Variants in GRIN2A observed in about 807,000 individuals in gnomAD.
The protein encoded by GRIN2A is glutamate receptor ionotropic, NMDA 2A.
A neutral mutation model predicts 113.4 loss-of-function variants in GRIN2A; 22 were observed. The ratio of observed to expected loss-of-function variants is 0.19; its 90% CI spans 0.14 to 0.28. GRIN2A has a LOEUF of 0.28. Among genes scored for constraint, GRIN2A ranks in the 10% least tolerant of loss-of-function variants. GRIN2A has a pLI of 1.00. For synonymous variants in GRIN2A, 827 were observed against 738.4 expected (o/e 1.12, Z -1.94); for missense variants, 1,502 against 1,887.0 (o/e 0.80, Z 3.78).
rs1316959780 is a variant in GRIN2A at position 10,180,505 on chromosome 16, C to A, written c.-18-76G>T. ...AGAAAGGGATTACCAACTTGGCTTC[C>A]TGCTCTAGGAGCCAGGCATGGAACT... On this transcript the variant is annotated intron_variant, in intron 1 of 12. Transcript: ENST00000330684. This position sits in a 1 kb window ranked among gnomAD's most constrained non-coding sequence, Gnocchi z 7.0. 3.9e-6 allele frequency: 6 copies of A among 1,536,424 alleles called. No individual in the cohort carries two copies. Among genetic ancestry groups the A allele is most frequent in the Non-Finnish European group, 5.2e-6 (6 of 1,147,258 alleles).
chr16:9,815,566 C>A (rs1207574012), intron 10 of GRIN2A, among the ~76,000 whole-genome samples: 1 of 152,036 alleles, frequency 6.6e-6, no homozygotes, highest in African/African-American at 2.4e-5. Context: ...CAAATCAAAA[C>A]TGCAATGAGA....
At chr16:9,979,195 C>T (rs2045835764) in intron 2 of GRIN2A, among the ~76,000 whole-genome samples, 1 of 152,162 alleles carries the variant, frequency 6.6e-6, no homozygotes, top group Non-Finnish European at 1.5e-5. Context: ...GATTCAAGCT[C>T]TCATTCTGTG....
chr16:10,083,482 A>G (rs369347915), intron 2 of GRIN2A, among the ~76,000 whole-genome samples: 217 of 152,346 alleles, frequency 1.4e-3, no homozygotes, highest in African/African-American at 4.6e-3. Flanking sequence ...GATGCAGTCA[A>G]GATAAAGATC....
At chr16:10,059,862 C>T (rs1156575364) in intron 2 of GRIN2A, among the ~76,000 whole-genome samples, 1 of 152,130 alleles carries the variant, frequency 6.6e-6, no homozygotes, top group African/African-American at 2.4e-5. Flanking sequence ...ACGGAAACCA[C>T]TCCAGGTGTT....
intron 12 of GRIN2A, among the ~76,000 whole-genome samples, chr16:9,768,296 C>T (rs1312653396): frequency 6.6e-6 from 1 of 152,204 alleles, no homozygotes; most frequent in Non-Finnish European, 1.5e-5. Flanking sequence ...TCGTGATCCG[C>T]CCGCCTGGGC....
At chr16:10,072,870 C>A (rs72774127) in intron 2 of GRIN2A, among the ~76,000 whole-genome samples, 14,297 of 150,642 alleles carry the variant, frequency 0.095, 746 homozygotes, top group African/African-American at 0.11. Flanking sequence ...GGCTGGTTTT[C>A]ATTATGGTGG....
chr16:10,091,569 C>T (rs1439782533), intron 2 of GRIN2A, among the ~76,000 whole-genome samples: 9 of 152,058 alleles, frequency 5.9e-5, no homozygotes, highest in Admixed American at 5.9e-4. Flanking sequence ...GGGAGGATTG[C>T]TTGAGCCTCG....
At chr16:10,014,918 G>A (rs1003292002) in intron 2 of GRIN2A, among the ~76,000 whole-genome samples, 2 of 152,232 alleles carry the variant, frequency 1.3e-5, no homozygotes, top group Admixed American at 6.5e-5. Flanking sequence ...TGAGTGAATA[G>A]AAAAGCAGGA....
At chr16:9,824,136 T>C (rs190819913) in intron 9 of GRIN2A, among the ~76,000 whole-genome samples, 1 of 152,382 alleles carries the variant, frequency 6.6e-6, no homozygotes, top group East Asian at 1.9e-4. Flanking sequence ...TGCTGCCTAA[T>C]ATGCAGTCAT....
At chr16:9,966,861 C>G (rs2045565222) in intron 2 of GRIN2A, among the ~76,000 whole-genome samples, 1 of 152,192 alleles carries the variant, frequency 6.6e-6, no homozygotes, top group Non-Finnish European at 1.5e-5. Context: ...TATTTTGGCC[C>G]TATCTCAAGT....
chr16:10,133,823 G>A (rs974801919), intron 2 of GRIN2A, among the ~76,000 whole-genome samples: 1 of 151,934 alleles, frequency 6.6e-6, no homozygotes, highest in Non-Finnish European at 1.5e-5. Flanking sequence ...AGTTACAGGG[G>A]TTTTTGATTA....
At chr16:9,813,493 A>T (rs1393338876) in intron 10 of GRIN2A, among the ~76,000 whole-genome samples, 2 of 147,830 alleles carry the variant, frequency 1.4e-5, no homozygotes, top group African/African-American at 5.0e-5. Flanking sequence ...ACATTTTGAT[A>T]TATTTCTTTT....
chr16:10,125,345 T>C (rs1488875894), intron 2 of GRIN2A, among the ~76,000 whole-genome samples: 1 of 152,142 alleles, frequency 6.6e-6, no homozygotes, highest in Non-Finnish European at 1.5e-5. Context: ...AATATTTGGC[T>C]TTCCCTGGAA....
chr16:9,857,912 C>T (rs983910702), intron 4 of GRIN2A, among the ~76,000 whole-genome samples: 17 of 152,206 alleles, frequency 1.1e-4, no homozygotes, highest in Admixed American at 2.0e-4. Flanking sequence ...CCATAAATCA[C>T]GCTTTTCTCC....
chr16:10,179,014 C>T (rs1405820333), intron 2 of GRIN2A, among the ~76,000 whole-genome samples: 1 of 152,136 alleles, frequency 6.6e-6, no homozygotes, highest in Non-Finnish European at 1.5e-5. Flanking sequence ...TCTCATTCCT[C>T]ACTTTACTTC....
intron 2 of GRIN2A, among the ~76,000 whole-genome samples, chr16:10,131,440 G>A (rs909217533): frequency 2.0e-5 from 3 of 151,194 alleles, no homozygotes; most frequent in Non-Finnish European, 2.9e-5. Flanking sequence ...GCCAAGGCCT[G>A]CCGCTCCAGT....
intron 7 of GRIN2A, among the ~76,000 whole-genome samples, chr16:9,839,781 A>G (rs964702289): frequency 6.6e-6 from 1 of 152,180 alleles, no homozygotes; most frequent in Non-Finnish European, 1.5e-5. Context: ...ATATGTGATC[A>G]TATTTTTTTC....
intron 2 of GRIN2A, among the ~76,000 whole-genome samples, chr16:10,095,947 T>A (rs908636355): frequency 1.4e-4 from 22 of 152,232 alleles, no homozygotes; most frequent in African/African-American, 5.3e-4. Flanking sequence ...AGGAGTTCTT[T>A]CTACTATTCT....
At chr16:9,786,516 G>C (rs1454023225) in intron 11 of GRIN2A, among the ~76,000 whole-genome samples, 1 of 152,146 alleles carries the variant, frequency 6.6e-6, no homozygotes, top group Non-Finnish European at 1.5e-5. Flanking sequence ...CTTCTGCAGG[G>C]TAATGATGCT....
Sources: allele counts gnomAD v4.1 joint callset (sites outside exome capture counted in the v4.1 genomes callset), GRCh38; gene constraint gnomAD v4.1.1; non-coding constraint Gnocchi (gnomAD v3.1); transcripts MANE v1.5; gene names NCBI Gene and HGNC (gene_info 2026-07-23, HGNC 2026-07-21).